Variants in TANC2 observed in about 807,000 individuals in gnomAD.
TANC2 encodes protein TANC2.
In TANC2, 26 loss-of-function variants were observed where a neutral mutation model predicts 210.5. The ratio of observed to expected loss-of-function variants is 0.12; its 90% confidence interval spans 0.09 to 0.17. TANC2 has a LOEUF of 0.17. Among genes scored for constraint, TANC2 ranks in the 10% least tolerant of loss-of-function variants. The probability of loss-of-function intolerance (pLI) is 1.00; values close to 1 mark genes in which losing one functional copy is unlikely to be tolerated. For synonymous variants in TANC2, 931 were observed against 967.1 expected (o/e 0.96, Z 0.69); for missense variants, 2,129 against 2,608.9 (o/e 0.82, Z 4.01).
At chr17:63,033,154 A>T (rs1452161886) in intron 2 of TANC2, among the ~76,000 whole-genome samples, 1 of 152,164 alleles carries the variant, frequency 6.6e-6, no homozygotes, top group East Asian at 1.9e-4. Flanking sequence ...AGGTTCACTG[A>T]CCCAGCAGCT....
intron 9 of TANC2, among the ~76,000 whole-genome samples, chr17:63,304,692 TAA>T (rs1244009857): frequency 1.3e-5 from 2 of 152,104 alleles, no homozygotes; most frequent in African/African-American, 4.8e-5. Context: ...GAGCAAAGAC[TAA>T]GTCTGCTGGT....
At chr17:63,265,805 TG>T (rs138960332) in intron 8 of TANC2, among the ~76,000 whole-genome samples, 21,708 of 150,502 alleles carry the variant, frequency 0.14, 1,834 homozygotes, top group Middle Eastern at 0.21. Flanking sequence ...TTACACTTTC[TG>T]TTTTTTTTTT....
chr17:63,063,311 A>C (rs143974485), intron 2 of TANC2, among the ~76,000 whole-genome samples: 2 of 152,076 alleles, frequency 1.3e-5, no homozygotes, highest in Non-Finnish European at 2.9e-5. Flanking sequence ...TCACGTAGGC[A>C]TGTTGGACTG....
chr17:63,087,342 G>A (rs1374177885), intron 3 of TANC2, among the ~76,000 whole-genome samples: 3 of 152,196 alleles, frequency 2.0e-5, no homozygotes, highest in Admixed American at 6.5e-5. Context: ...AAGCATCTAA[G>A]TACTTTGGTA....
chr17:63,249,808 T>TA (rs990206325), intron 8 of TANC2, among the ~76,000 whole-genome samples: 3 of 152,180 alleles, frequency 2.0e-5, no homozygotes, highest in African/African-American at 7.2e-5. Context: ...GGAGCAAACA[T>TA]ACAGTGTCAT....
chr17:63,237,321 G>A (rs1049816060), intron 7 of TANC2, among the ~76,000 whole-genome samples: 7 of 151,870 alleles, frequency 4.6e-5, no homozygotes, highest in Non-Finnish European at 8.8e-5. Context: ...GGGATTATTT[G>A]TGAAGTTTTT....
chr17:63,344,302 C>T (rs1026043168), intron 12 of TANC2, among the ~76,000 whole-genome samples: 1 of 152,150 alleles, frequency 6.6e-6, no homozygotes, highest in African/African-American at 2.4e-5. Flanking sequence ...CCAGTCCCTC[C>T]GAAGTACACC....
intron 5 of TANC2, among the ~76,000 whole-genome samples, chr17:63,187,938 G>GTA (rs1401031301): frequency 6.6e-6 from 1 of 151,988 alleles, no homozygotes; most frequent in African/African-American, 2.4e-5. Context: ...ACCTAGAATG[G>GTA]TATACCCTGA....
intron 9 of TANC2, among the ~76,000 whole-genome samples, chr17:63,281,126 A>G (rs1468979478): frequency 6.6e-6 from 1 of 152,140 alleles, no homozygotes; most frequent in Non-Finnish European, 1.5e-5. Context: ...AGCAGATGGA[A>G]GTGGGAAGTG....
intron 8 of TANC2, among the ~76,000 whole-genome samples, chr17:63,265,709 G>A (rs2043504737): frequency 6.6e-6 from 1 of 152,034 alleles, no homozygotes; most frequent in African/African-American, 2.4e-5. Flanking sequence ...GGGATTCTTA[G>A]CAAAGACATA....
chr17:63,174,287 C>A (rs1309641955), intron 5 of TANC2, among the ~76,000 whole-genome samples: 1 of 152,056 alleles, frequency 6.6e-6, no homozygotes, highest in African/African-American at 2.4e-5. Flanking sequence ...CTTTTGTTAC[C>A]CTCATTTTCT....
chr17:62,983,398 A>T (rs577371023), intron 1 of TANC2, among the ~76,000 whole-genome samples: 1 of 151,988 alleles, frequency 6.6e-6, no homozygotes. Context: ...TGCATATAAG[A>T]TCATGTCATC....
At chr17:63,279,947 A>T (rs2044010171) in intron 9 of TANC2, among the ~76,000 whole-genome samples, 1 of 152,058 alleles carries the variant, frequency 6.6e-6, no homozygotes, top group South Asian at 2.1e-4. Context: ...GATTATGGGG[A>T]AGTGGGGAGA....
chr17:63,396,075 C>A, intron 18 of TANC2, 147 bp downstream of exon 18: 1 of 732,592 alleles, frequency 1.4e-6, no homozygotes, highest in Non-Finnish European at 2.2e-6. Flanking sequence ...AGATTAAACT[C>A]CATGAAGCAC....
intron 9 of TANC2, among the ~76,000 whole-genome samples, chr17:63,294,280 C>A (rs1036158781): frequency 1.3e-5 from 2 of 152,048 alleles, no homozygotes; most frequent in Admixed American, 6.6e-5. Context: ...GAGTTCGACA[C>A]CAGCGTGGTA....
At chr17:62,990,805 A>G (rs2032822090) in intron 1 of TANC2, among the ~76,000 whole-genome samples, 1 of 152,094 alleles carries the variant, frequency 6.6e-6, no homozygotes, top group South Asian at 2.1e-4. Context: ...TTAGGTCTGT[A>G]GGTTTGTTGG....
intron 14 of TANC2, among the ~76,000 whole-genome samples, chr17:63,373,078 T>G (rs1841818935): frequency 6.6e-6 from 1 of 151,934 alleles, no homozygotes; most frequent in Non-Finnish European, 1.5e-5. Flanking sequence ...AAATTTTTTG[T>G]GGAGATGGGG....
intron 17 of TANC2, chr17:63,390,273 G>A (rs2047923834): frequency 6.6e-6 from 1 of 152,326 alleles, no homozygotes. Flanking sequence ...TGGTTTCATA[G>A]TGAAATACAA....
chr17:63,203,036 C>T (rs2041587093), intron 7 of TANC2, among the ~76,000 whole-genome samples: 1 of 152,024 alleles, frequency 6.6e-6, no homozygotes, highest in Non-Finnish European at 1.5e-5. Flanking sequence ...TTGTACAAAC[C>T]TTTTCTGGAG....
Sources: allele counts gnomAD v4.1 joint callset (sites outside exome capture counted in the v4.1 genomes callset), GRCh38; gene constraint gnomAD v4.1.1; transcripts MANE v1.5; gene names NCBI Gene and HGNC (gene_info 2026-07-23, HGNC 2026-07-21).